Variants in MAPK10 observed in about 807,000 individuals in gnomAD.
MAPK10 encodes the protein JNK3 alpha protein kinase.
In MAPK10, 25 loss-of-function variants were observed where a neutral mutation model predicts 59.3. The ratio of observed to expected loss-of-function variants is 0.42; its 90% CI spans 0.31 to 0.59. MAPK10 has a LOEUF of 0.59. Ranked by LOEUF, MAPK10 falls within the 20% of genes least tolerant of loss-of-function variation. The pLI is 0.15. For synonymous variants in MAPK10, 190 were observed against 200.5 expected (o/e 0.95, Z 0.44); for missense variants, 351 against 568.9 (o/e 0.62, Z 3.90).
At chr4:86,372,197 T>C (rs1738872295) in intron 1 of MAPK10, among the ~76,000 whole-genome samples, 2 of 152,070 alleles carry the variant, frequency 1.3e-5, no homozygotes, top group Admixed American at 1.3e-4. Flanking sequence ...CAGACCACAG[T>C]GCAATCAAAT....
intron 9 of MAPK10, chr4:86,089,367 A>T (rs1454899598): frequency 3.5e-6 from 3 of 851,362 alleles, no homozygotes; most frequent in Non-Finnish European, 5.7e-6. Flanking sequence ...GCCATAGAGC[A>T]ATAGTCTGAC....
chr4:86,083,825 G>A (rs2149035282), intron 9 of MAPK10, among the ~76,000 whole-genome samples: 1 of 152,292 alleles, frequency 6.6e-6, no homozygotes, highest in South Asian at 2.1e-4. Context: ...AAAGGAAAGA[G>A]TGAAAAGAAC....
At chr4:86,451,509 C>A (rs1750716103) in intron 1 of MAPK10, among the ~76,000 whole-genome samples, 1 of 152,162 alleles carries the variant, frequency 6.6e-6, no homozygotes, top group Admixed American at 6.5e-5. Context: ...TTTAAGTTGA[C>A]TTCCCCAGAA....
chr4:86,190,198 C>T (rs2079344061), intron 3 of MAPK10, among the ~76,000 whole-genome samples: 1 of 152,122 alleles, frequency 6.6e-6, no homozygotes, highest in Admixed American at 6.6e-5. Flanking sequence ...GGATACTGCC[C>T]TGAAATTTTC....
At chr4:86,033,820 C>A (rs1001653317) in intron 11 of MAPK10, among the ~76,000 whole-genome samples, 7 of 152,156 alleles carry the variant, frequency 4.6e-5, no homozygotes, top group Admixed American at 3.9e-4. Flanking sequence ...AGGGCACATT[C>A]ACATACAGAT....
At chr4:86,451,061 G>A (rs1261314621) in intron 1 of MAPK10, among the ~76,000 whole-genome samples, 1 of 152,112 alleles carries the variant, frequency 6.6e-6, no homozygotes, top group Non-Finnish European at 1.5e-5. Context: ...TTTCTAAAGA[G>A]GATGGAGATT....
intron 9 of MAPK10, among the ~76,000 whole-genome samples, chr4:86,075,507 T>A (rs1448801702): frequency 6.6e-6 from 1 of 152,218 alleles, no homozygotes; most frequent in Admixed American, 6.5e-5. Context: ...GTTCTGTTTT[T>A]TCCCCATCTT....
chr4:86,131,306 A>G (rs1218723400), intron 4 of MAPK10, among the ~76,000 whole-genome samples: 1 of 152,194 alleles, frequency 6.6e-6, no homozygotes, highest in Non-Finnish European at 1.5e-5. Flanking sequence ...TAACAGGCAT[A>G]CAGACAGTTT....
At chr4:86,358,487 G>C in intron 1 of MAPK10, 1 of 449,020 alleles carries the variant, frequency 2.2e-6, no homozygotes, top group African/African-American at 2.1e-5. Flanking sequence ...CAGGGCTGCT[G>C]TACAGACACT....
At chr4:86,261,028 A>G (rs1251388777) in intron 2 of MAPK10, among the ~76,000 whole-genome samples, 1 of 152,188 alleles carries the variant, frequency 6.6e-6, no homozygotes, top group Non-Finnish European at 1.5e-5. Context: ...GACAAAGGAG[A>G]AGCAATTAAC....
intron 2 of MAPK10, among the ~76,000 whole-genome samples, chr4:86,200,104 C>T (rs1034179599): frequency 2.6e-5 from 4 of 152,094 alleles, no homozygotes; most frequent in Non-Finnish European, 5.9e-5. Flanking sequence ...TATTTTATTG[C>T]GTGTCCAGGG....
intron 1 of MAPK10, among the ~76,000 whole-genome samples, chr4:86,410,005 T>G (rs538666346): frequency 1.3e-5 from 2 of 152,320 alleles, no homozygotes; most frequent in Non-Finnish European, 2.9e-5. Context: ...TACTTCCAGT[T>G]TTTGCCGATT....
rs199809357 is a variant in MAPK10 at position 86,423,760 on chromosome 4, GATATATATAC to G, written c.-122+29260_-122+29269del. On this transcript the variant is annotated intron_variant, in intron 1 of 13. Transcript: ENST00000361569. ...AGGGCTGCATATAAGTAATTAGTGGGATATATATACATATATATATATATATATATATATA... is the reference window on the plus strand; with the variant it reads ...AGGGCTGCATATAAGTAATTAGTGGGATATATATATATATATATATATATA... Among the ~76,000 whole-genome samples, 326 of 117,124 alleles carry G rather than the reference GATATATATAC, an allele frequency of 2.8e-3. 12 individuals carry two copies. Among genetic ancestry groups the G allele is most frequent in the Middle Eastern group, 8.8e-3 (2 of 228 alleles). The allele number at this position is 117,124 out of a possible 152,430, so 76.8% of individuals were successfully genotyped here.
chr4:86,124,930 G>A (rs2059829676), intron 4 of MAPK10: 2 of 151,828 alleles, frequency 1.3e-5, no homozygotes, highest in South Asian at 4.1e-4. Flanking sequence ...TGGCAAGTGT[G>A]GTATTATGAA....
intron 9 of MAPK10, chr4:86,089,416 T>C: frequency 3.3e-6 from 2 of 597,558 alleles, no homozygotes; most frequent in East Asian, 2.8e-5. Context: ...GCATGATCAT[T>C]AGCATTTTAA....
At chr4:86,115,247 C>A (rs968750823) in intron 4 of MAPK10, among the ~76,000 whole-genome samples, 2 of 152,126 alleles carry the variant, frequency 1.3e-5, no homozygotes, top group African/African-American at 4.8e-5. Context: ...GTTTCCCAGG[C>A]GGGGCAGCGC....
chr4:86,089,790 G>T (rs1376240020), intron 9 of MAPK10, among the ~76,000 whole-genome samples: 1 of 152,140 alleles, frequency 6.6e-6, no homozygotes, highest in Non-Finnish European at 1.5e-5. Flanking sequence ...TGAAAAGCCA[G>T]TTCAAGAATG....
At chr4:86,425,539 C>T (rs1212462368) in intron 1 of MAPK10, among the ~76,000 whole-genome samples, 1 of 152,176 alleles carries the variant, frequency 6.6e-6, no homozygotes, top group Non-Finnish European at 1.5e-5. Context: ...CTTCTTTAAA[C>T]CATCCAATTG....
rs1741795556 is a variant in MAPK10, at chr4:86,012,879, T to C, written c.*4349A>G. 1.3e-5 allele frequency: 2 copies of C among 152,202 alleles called. No homozygotes were observed. The highest frequency in any genetic ancestry group is 2.4e-5 in the African/African-American group (1 of 41,448). 9.4% of individuals were successfully genotyped at this position (152,202 alleles called of 1,614,324 possible). On this transcript the variant is annotated 3_prime_UTR_variant, in exon 14 of 14. Coordinates refer to ENST00000641462, the MANE Select transcript of MAPK10 (RefSeq NM_138982.4). The stretch of plus-strand genomic sequence containing the variant: ...ATGTGTGTGTGCTTTAAGTCCATTT[T>C]ATAAACACTGACACAAGACAATTCT...
Sources: allele counts gnomAD v4.1 joint callset (sites outside exome capture counted in the v4.1 genomes callset), GRCh38; gene constraint gnomAD v4.1.1; transcripts MANE v1.5; gene names NCBI Gene and HGNC (gene_info 2026-07-23, HGNC 2026-07-21).